The following EXOSC9 variants were observed in gnomAD, a reference collection of about 807,000 sequenced individuals.
EXOSC9 encodes the protein exosome component 9, also known as exosome complex component RRP45.
EXOSC9 carries 38 observed loss-of-function variants against 56.5 expected under a neutral mutation model. The ratio of observed to expected loss-of-function variants is 0.67; its 90% CI spans 0.52 to 0.88. The LOEUF (loss-of-function observed/expected upper bound fraction) is 0.88, where lower values mean the gene tolerates loss of function less well. Ranked by LOEUF, EXOSC9 falls within the 40% of genes least tolerant of loss-of-function variation. The pLI is 0.00. For synonymous variants in EXOSC9, 170 were observed against 170.8 expected (o/e 0.99, Z 0.04); for missense variants, 559 against 530.5 (o/e 1.05, Z -0.53).
chr4:121,809,035 C>T (rs1056597312), intron 6 of EXOSC9, among the ~76,000 whole-genome samples: 3 of 151,754 alleles, frequency 2.0e-5, no homozygotes, highest in Admixed American at 2.0e-4. Context: ...CTCACCCAGG[C>T]TGGAGTGCAG....
intron 4 of EXOSC9, 135 bp from the exon 5 acceptor site, chr4:121,804,487 G>A: frequency 2.0e-6 from 1 of 508,652 alleles, no homozygotes; most frequent in Non-Finnish European, 3.3e-6. Context: ...TATATTTTTT[G>A]TTGACAAAGT....
chr4:121,813,710 T>C, intron 9 of EXOSC9, 156 bp from the exon 10 acceptor site: 1 of 550,280 alleles, frequency 1.8e-6, no homozygotes, highest in Non-Finnish European at 3.1e-6. Context: ...TTCTTCATTG[T>C]TCAGCCATCC....
At position 121,807,541 on chromosome 4, in the gene EXOSC9, A is replaced by G. The variant is rs1216866129; in HGVS notation, c.524A>G (p.Tyr175Cys). 8 of 1,600,016 alleles carry G rather than the reference A, an allele frequency of 5.0e-6. No individual in the cohort carries two copies. In the African/African-American group the frequency reaches 5.4e-5, roughly 11 times the overall value. The part of the protein sequence containing the change: ...VSVQGDEVTL[Y>C]TPEERDPVPL... ...ATTAAACATTTTCTTTTGAAACAGT[A>G]TACACCTGAAGAGCGTGATCCTGTA... The change falls in exon 6 of 12, where the codon TAT (tyrosine) becomes TGT (cysteine). Residue 175 changes from tyrosine to cysteine, a missense_variant and splice_region_variant. Physicochemically the swap from Tyr to Cys is radical, Grantham distance 194. Coordinates refer to ENST00000243498, the MANE Select transcript of EXOSC9 (RefSeq NM_005033.3).
In EXOSC9 at chr4:121,816,374, C is replaced by T. The variant is rs954180669; in HGVS notation, c.1162C>T (p.Pro388Ser). 8 of 1,515,956 alleles carry T rather than the reference C, an allele frequency of 5.3e-6. No individual in the cohort carries two copies. The highest frequency in any genetic ancestry group is 2.3e-5 in the East Asian group (1 of 42,786). The allele number at this position is 1,515,956 out of a possible 1,614,324, so 93.9% of individuals were successfully genotyped here. A position where few individuals can be genotyped will look rare whatever the true frequency, so the allele number is the denominator to read the frequency against. ...AAATTAATAAAAAAACAAAGATGCT[C>T]CCATAATACTCTCAGATAGTGAAGA... ...EVSDIGSQDA[P>S]IILSDSEEEE... The change falls in exon 11 of 12, where the codon CCC becomes TCC. Residue 388 changes from proline (P) to serine (S), a missense_variant. Coordinates refer to ENST00000243498, the MANE Select transcript of EXOSC9 (RefSeq NM_005033.3).
chr4:121,813,977 T>TGG lies in EXOSC9; in HGVS notation c.1087_1088insGG (p.Asp363GlyfsTer10). The TGG allele has an allele frequency of 1.2e-6, 2 of 1,613,602 alleles. No homozygotes were observed. The highest frequency in any genetic ancestry group is 1.7e-6 in the Non-Finnish European group (2 of 1,179,600). On this transcript the variant is annotated frameshift_variant, in exon 10 of 12. Transcript: ENST00000243498. LOFTEE classifies it high-confidence loss of function. ...AGAAGGAAGATGATGAAGGCGGTGG[T>TGG]GATCAAGCTATCATTCTTGATGGTA...
chr4:121,813,813 A>T (rs4256243), intron 9 of EXOSC9, 53 bp from the exon 10 acceptor site: 3 of 1,290,548 alleles, frequency 2.3e-6, no homozygotes, highest in Non-Finnish European at 3.3e-6. Context: ...CTCATCTTCA[A>T]CAGTTCATCA....
At chr4:121,807,808 T>TTA (rs1001019712) in intron 6 of EXOSC9, 186 bp downstream of exon 6, 88 of 598,750 alleles carry the variant, frequency 1.5e-4, no homozygotes, top group Admixed American at 3.0e-4. Flanking sequence ...AACAAAACTC[T>TTA]TATACTTTGA....
At chr4:121,805,571 T>A (rs190245805) in intron 5 of EXOSC9, among the ~76,000 whole-genome samples, 209 of 152,296 alleles carry the variant, frequency 1.4e-3, no homozygotes, top group African/African-American at 4.8e-3. Flanking sequence ...GACAAAGGTT[T>A]ATTAACAGTA....
Position 121,807,568 on chromosome 4 carries a change from C to G in EXOSC9, c.551C>G (p.Pro184Arg), listed in dbSNP as rs986845544. The G allele has an allele frequency of 9.9e-6, 16 of 1,612,744 alleles. No individual in the cohort carries two copies. Among genetic ancestry groups the G allele is most frequent in the African/African-American group, 2.7e-5 (2 of 74,860 alleles). The change falls in exon 6 of 12, where the codon CCA becomes CGA. Residue 184 changes from proline (P) to arginine (R), a missense_variant. Physicochemically the swap from Pro to Arg is moderately radical, Grantham distance 103. Coordinates refer to ENST00000243498, the MANE Select transcript of EXOSC9 (RefSeq NM_005033.3). ...ACACCTGAAGAGCGTGATCCTGTAC[C>G]ATTAAGTATCCACCACATGCCCATT... ...LYTPEERDPV[P>R]LSIHHMPICV...
intron 7 of EXOSC9, among the ~76,000 whole-genome samples, chr4:121,811,337 C>T (rs769481793): frequency 4.6e-5 from 7 of 152,290 alleles, no homozygotes; most frequent in Non-Finnish European, 8.8e-5. Flanking sequence ...TGTCTGTGGC[C>T]TCTTCTGTGG....
At chr4:121,814,074 C>T (rs76143739) in intron 10 of EXOSC9, 27 bp downstream of exon 10, 3 of 512,676 alleles carry the variant, frequency 5.9e-6, no homozygotes, top group Non-Finnish European at 8.8e-6. Flanking sequence ...GGCACACTTA[C>T]TATATATTAC....
chr4:121,813,879 G>C lies in EXOSC9; in HGVS notation c.988G>C (p.Val330Leu), dbSNP rs1019478137. The change falls in exon 10 of 12, where the codon GTG becomes CTG. Residue 330 changes from valine (V) to leucine (L), a missense_variant. Coordinates refer to ENST00000243498, the MANE Select transcript of EXOSC9 (RefSeq NM_005033.3). ...EPPSEVVSTP[V>L]LWTPGTAQIG... ...TAACTTGTTAAGTGTTTCTACACCT[G>C]TGCTATGGACTCCTGGAACTGCCCA... The C allele has an allele frequency of 6.2e-7, 1 of 1,611,590 alleles. No homozygotes were observed. The highest frequency in any genetic ancestry group is 1.3e-5 in the African/African-American group (1 of 74,924).
At position 121,804,729 on chromosome 4, in the gene EXOSC9, T is replaced by C; in HGVS notation, c.492T>C (p.Asp164=). The C allele has an allele frequency of 6.2e-7, 1 of 1,612,906 alleles. No homozygotes were observed. Among genetic ancestry groups the C allele is most frequent in the Non-Finnish European group, 8.5e-7 (1 of 1,179,256 alleles). Reference sequence around the variant, plus strand: ...CCTTATGTCATTTCCGAAGACCTGATGTCTCTGTCCAAGGAGATGAAGTAA... The same window carrying C: ...CCTTATGTCATTTCCGAAGACCTGACGTCTCTGTCCAAGGAGATGAAGTAA... ...IVALCHFRRP[D]VSVQGDEVTL... Residue 164 remains aspartate, a synonymous_variant, in exon 5 of 12, where the codon GAT becomes GAC. Transcript: ENST00000243498.
At chr4:121,803,685 G>A (rs1578497153) in intron 4 of EXOSC9, among the ~76,000 whole-genome samples, 1 of 152,042 alleles carries the variant, frequency 6.6e-6, no homozygotes, top group African/African-American at 2.4e-5. Flanking sequence ...AACTACCGGC[G>A]CCTGCCACCA....
At chr4:121,814,767 T>C (rs955982443) in intron 10 of EXOSC9, 3 of 152,176 alleles carry the variant, frequency 2.0e-5, no homozygotes, top group African/African-American at 7.2e-5. Flanking sequence ...ATAAAAAAAT[T>C]CTATAAGTAA....
chr4:121,816,810 GTAAA>G lies in EXOSC9; in HGVS notation c.1275_1278del (p.Ser425ArgfsTer4). On this transcript the variant is annotated frameshift_variant, in exon 12 of 12. Transcript: ENST00000243498. LOFTEE classifies it high-confidence loss of function. ...AGTGCAAAACAAGAAAAAGCACCAA[GTAAA>G]AAGCCAGTGAAAAGAAGAAAAAAGA... 6.2e-7 allele frequency: 1 copy of G among 1,601,880 alleles called. No homozygotes were observed. Among genetic ancestry groups the G allele is most frequent in the South Asian group, 1.1e-5 (1 of 89,430 alleles).
Position 121,811,204 on chromosome 4 carries a change from CATTT to C in EXOSC9, c.739-375_739-372del, listed in dbSNP as rs35809018. Among the ~76,000 whole-genome samples the C allele has an allele frequency of 0.01, 1,536 of 152,302 alleles. 92 individuals carry two copies. In the East Asian group the frequency reaches 0.19, roughly 19 times the overall value. On this transcript the variant is annotated intron_variant, in intron 7 of 11. Transcript: ENST00000243498. ...AATATATTGCACAGTGTCTAGCACA[CATTT>C]ATTAAGTGTGCAATAAATGTTAGTT...
At chr4:121,809,894 A>G in intron 6 of EXOSC9, 73 bp from the exon 7 acceptor site, 1 of 1,568,618 alleles carries the variant, frequency 6.4e-7, no homozygotes. Context: ...GCCATCTTTT[A>G]AAAATTCATT....
rs764262335 is a variant in EXOSC9, at chr4:121,802,996, C to G, written c.363C>G (p.Leu121=). 1.2e-6 allele frequency: 2 copies of G among 1,613,156 alleles called. No homozygotes were observed. The highest frequency in any genetic ancestry group is 3.3e-5 in the Admixed American group (2 of 60,024). The change falls in exon 4 of 12, where the codon CTC becomes CTG. Residue 121 remains leucine (L), a synonymous_variant. Transcript: ENST00000243498. ...CGAAGTGTATAGACACTGAGTCTCTCTGTGTTGTTGCTGGTGAAAAGGTGG... is the reference window on the plus strand; with the variant it reads ...CGAAGTGTATAGACACTGAGTCTCTGTGTGTTGTTGCTGGTGAAAAGGTGG... ...RNSKCIDTES[L]CVVAGEKVWQ...
Sources: gnomAD v4.1 joint callset for allele counts (sites outside exome capture counted in the v4.1 genomes callset) on GRCh38, gnomAD v4.1.1 for gene constraint, MANE v1.5 for transcripts, NCBI Gene and HGNC (gene_info 2026-07-23, HGNC 2026-07-21) for gene names.